PLCB4: variants seen among roughly 807,000 people sequenced by gnomAD.
The protein encoded by PLCB4 is phospholipase C beta 4, also known as 1-phosphatidylinositol 4,5-bisphosphate phosphodiesterase beta-4.
PLCB4 carries 77 observed loss-of-function variants against 178.8 expected under a neutral mutation model. The ratio of observed to expected loss-of-function variants is 0.43; its 90% CI spans 0.36 to 0.52. The LOEUF (loss-of-function observed/expected upper bound fraction) is 0.52, where lower values mean the gene tolerates loss of function less well. PLCB4 is among the 20% of genes least tolerant of loss of function. PLCB4 has a pLI of 0.00. For missense variants in PLCB4, 1,024 were observed against 1,453.4 expected (o/e 0.70, Z 4.80); for synonymous variants, 496 against 490.8 (o/e 1.01, Z -0.14).
chr20:9,371,179 A>G (rs2036222797), intron 9 of PLCB4, 35 bp from the exon 10 acceptor site: 1 of 1,282,480 alleles, frequency 7.8e-7, no homozygotes, highest in Non-Finnish European at 1.1e-6. Flanking sequence ...AATGAACAAT[A>G]ACTGGAATGT....
chr20:9,322,981 T>C (rs1435646455), intron 4 of PLCB4, among the ~76,000 whole-genome samples: 1 of 152,250 alleles, frequency 6.6e-6, no homozygotes, highest in Non-Finnish European at 1.5e-5. Flanking sequence ...ATTGCCATCA[T>C]AAGGAATAAG....
intron 2 of PLCB4, among the ~76,000 whole-genome samples, chr20:9,124,914 A>G (rs950408740): frequency 5.3e-5 from 8 of 152,204 alleles, no homozygotes; most frequent in African/African-American, 1.9e-4. Context: ...TAAAAAGTTT[A>G]TTATGAAGTG....
intron 2 of PLCB4, among the ~76,000 whole-genome samples, chr20:9,207,997 C>A (rs571782331): frequency 6.6e-6 from 1 of 152,270 alleles, no homozygotes; most frequent in Non-Finnish European, 1.5e-5. Flanking sequence ...AAATGTACCC[C>A]TTTCCAGGGC....
At chr20:9,170,782 C>T (rs565495127) in intron 2 of PLCB4, among the ~76,000 whole-genome samples, 9 of 152,272 alleles carry the variant, frequency 5.9e-5, no homozygotes, top group African/African-American at 1.7e-4. Context: ...TTCACAGAGT[C>T]GGTAAAACCT....
chr20:9,271,098 T>G (rs1011900769), intron 3 of PLCB4, among the ~76,000 whole-genome samples: 3 of 152,160 alleles, frequency 2.0e-5, no homozygotes, highest in African/African-American at 7.2e-5. Context: ...AAGGCCTTAT[T>G]GGGCAGAATG....
Position 9,419,885 on chromosome 20 carries a change from T to A in PLCB4, c.2130T>A (p.Val710=), listed in dbSNP as rs1427348300. ...TCTCTGAAACTCCTGTTGATGGTGT[T>A]ATTGCAGCCACTTGCTCAGTGCAGG... ...DPFSETPVDG[V]IAATCSVQVI... Residue 710 remains valine (V), a synonymous_variant, in exon 26 of 40, where the codon GTT becomes GTA. Transcript: ENST00000378473. 6 of 1,613,228 alleles carry A rather than the reference T, an allele frequency of 3.7e-6. No homozygotes were observed. Among genetic ancestry groups the A allele is most frequent in the Admixed American group, 3.3e-5 (2 of 60,000 alleles).
intron 1 of PLCB4, among the ~76,000 whole-genome samples, chr20:9,075,591 G>A (rs2089819299): frequency 6.6e-6 from 1 of 152,246 alleles, no homozygotes; most frequent in Non-Finnish European, 1.5e-5. Flanking sequence ...GGCCAAGTAA[G>A]TGAAAGGCCC....
chr20:9,071,901 A>G (rs911782021), intron 1 of PLCB4, among the ~76,000 whole-genome samples: 5 of 152,248 alleles, frequency 3.3e-5, no homozygotes, highest in African/African-American at 1.2e-4. Flanking sequence ...CCGCCGACCC[A>G]GGTCTTTTAA....
chr20:9,107,358 G>T (rs1313479403), intron 2 of PLCB4, among the ~76,000 whole-genome samples: 1 of 152,170 alleles, frequency 6.6e-6, no homozygotes, highest in Non-Finnish European at 1.5e-5. Flanking sequence ...TATTGTTACT[G>T]ATTATCATTA....
intron 36 of PLCB4, among the ~76,000 whole-genome samples, chr20:9,468,942 G>T (rs922483192): frequency 6.6e-6 from 1 of 151,888 alleles, no homozygotes; most frequent in African/African-American, 2.4e-5. Context: ...CATAAAATAT[G>T]ACATAATAAT....
At chr20:9,456,452 G>T (rs188744541) in intron 33 of PLCB4, among the ~76,000 whole-genome samples, 1 of 152,272 alleles carries the variant, frequency 6.6e-6, no homozygotes, top group East Asian at 1.9e-4. Flanking sequence ...AAATTATTTT[G>T]CATAGCCCGA....
chr20:9,373,595 AT>A (rs892381850), intron 12 of PLCB4, among the ~76,000 whole-genome samples: 4 of 152,174 alleles, frequency 2.6e-5, no homozygotes, highest in Non-Finnish European at 4.4e-5. Flanking sequence ...CAAATAGAAT[AT>A]TTTGACAACA....
chr20:9,097,418 A>C (rs1325012170), intron 2 of PLCB4, among the ~76,000 whole-genome samples: 1 of 151,606 alleles, frequency 6.6e-6, no homozygotes, highest in East Asian at 1.9e-4. Context: ...TGGGGCTGTC[A>C]CCCCAAACCA....
At chr20:9,468,162 A>G (rs1464022857) in intron 35 of PLCB4, among the ~76,000 whole-genome samples, 2 of 152,038 alleles carry the variant, frequency 1.3e-5, no homozygotes, top group Non-Finnish European at 2.9e-5. Context: ...CTGTCTCCTC[A>G]TCACAGGCCA....
In PLCB4 at chr20:9,069,361, C is replaced by G. The variant is rs1014192717; in HGVS notation, c.-135+155C>G. ...GTGCAGGTGCCGGGTGCCAGGCGCC[C>G]TGTGCGCGCGGGAGGCAGGGGACCC... On this transcript the variant is annotated intron_variant, in intron 1 of 39. Coordinates refer to ENST00000378473, the MANE Select transcript of PLCB4 (RefSeq NM_001377142.1). Among the ~76,000 whole-genome samples the G allele has an allele frequency of 3.3e-5, 5 of 152,068 alleles. 1 individual carries two copies. The South Asian group carries it at 6.2e-4, about 19-fold the overall frequency.
At chr20:9,333,148 TA>T (rs371134027) in intron 4 of PLCB4, among the ~76,000 whole-genome samples, 160 of 152,316 alleles carry the variant, frequency 1.1e-3, no homozygotes, top group Middle Eastern at 0.01. Context: ...ATCTTTTATT[TA>T]AAAAAATTCA....
At chr20:9,084,334 T>A (rs1173350887) in intron 1 of PLCB4, among the ~76,000 whole-genome samples, 1 of 152,210 alleles carries the variant, frequency 6.6e-6, no homozygotes, top group Non-Finnish European at 1.5e-5. Context: ...TTGCCTAATT[T>A]GTAATTTGAT....
In PLCB4 at chr20:9,237,558, A is replaced by G. The variant is rs189182417; in HGVS notation, c.-16+20106A>G. On this transcript the variant is annotated intron_variant, in intron 3 of 39. Coordinates refer to ENST00000378473, the MANE Select transcript of PLCB4 (RefSeq NM_001377142.1). ...GATCTACTGCCTCCGACTCTCTGGG[A>G]TGAGGCTCAGCCATCTGTGTTTTCA... Among the ~76,000 whole-genome samples, 268 of 152,322 alleles carry G rather than the reference A, an allele frequency of 1.8e-3. No homozygotes were observed. In the Middle Eastern group the frequency reaches 0.024, roughly 14 times the overall value.
At chr20:9,166,263 A>G (rs368496276) in intron 2 of PLCB4, 7 of 152,216 alleles carry the variant, frequency 4.6e-5, no homozygotes, top group African/African-American at 1.2e-4. Flanking sequence ...TACTCTTCCT[A>G]TTATAAACAA....
Sources: gnomAD v4.1 joint callset for allele counts (sites outside exome capture counted in the v4.1 genomes callset) on GRCh38, gnomAD v4.1.1 for gene constraint, MANE v1.5 for transcripts, NCBI Gene and HGNC (gene_info 2026-07-23, HGNC 2026-07-21) for gene names.